The following NADK2 variants were observed in gnomAD, a reference collection of about 807,000 sequenced individuals.
NADK2 encodes NAD kinase domain-containing protein 1, mitochondrial.
NADK2 carries 35 observed loss-of-function variants against 62.1 expected under a neutral mutation model. The ratio of observed to expected loss-of-function variants is 0.56; its 90% CI spans 0.43 to 0.75. The LOEUF is 0.75. Ranked by LOEUF, NADK2 falls within the 30% of genes least tolerant of loss-of-function variation. The pLI, the probability that NADK2 is intolerant of heterozygous loss-of-function variation, is 0.00. For missense variants in NADK2, 439 were observed against 561.3 expected (o/e 0.78, Z 2.20); for synonymous variants, 205 against 207.9 (o/e 0.99, Z 0.12).
In NADK2 at chr5:36,193,539, C is replaced by CTTCT. The variant is rs1262136191; in HGVS notation, c.*1601_*1604dup. 24 of 145,362 alleles carry CTTCT rather than the reference C, an allele frequency of 1.7e-4. No homozygotes were observed. Among genetic ancestry groups the CTTCT allele is most frequent in the Admixed American group, 1.1e-3 (16 of 14,450 alleles). The allele number at this position is 145,362 out of a possible 1,614,324, so 9.0% of individuals were successfully genotyped here. A position where few individuals can be genotyped will look rare whatever the true frequency, so the allele number is the denominator to read the frequency against. On this transcript the variant is annotated 3_prime_UTR_variant, in exon 12 of 12. Transcript: ENST00000381937. ...TTAGGGGAGGTTCTATAGTATGGAG[C>CTTCT]TTCTTTATAAAGTGGTATCTTATGT... is the stretch of plus-strand genomic sequence containing the variant.
At chr5:36,234,951 T>C (rs1177975797) in intron 1 of NADK2, among the ~76,000 whole-genome samples, 1 of 152,136 alleles carries the variant, frequency 6.6e-6, no homozygotes. Flanking sequence ...TATAATGTAA[T>C]AGATGTTTCC....
intron 4 of NADK2, among the ~76,000 whole-genome samples, chr5:36,220,368 T>C (rs528681735): frequency 1.3e-5 from 2 of 152,306 alleles, no homozygotes; most frequent in East Asian, 3.9e-4. Context: ...TATTGGTTGG[T>C]GTAGATGAGA....
intron 7 of NADK2, among the ~76,000 whole-genome samples, chr5:36,210,178 T>C (rs1746787482): frequency 6.6e-6 from 1 of 152,160 alleles, no homozygotes; most frequent in African/African-American, 2.4e-5. Flanking sequence ...TCATCTCTAA[T>C]CTTCTACCCT....
chr5:36,202,200 T>G (rs941148459), intron 8 of NADK2, among the ~76,000 whole-genome samples: 1 of 152,046 alleles, frequency 6.6e-6, no homozygotes, highest in Non-Finnish European at 1.5e-5. Context: ...TTCACCATTC[T>G]AAGAGTTCTC....
intron 1 of NADK2, among the ~76,000 whole-genome samples, chr5:36,231,034 T>C (rs908199463): frequency 6.6e-6 from 1 of 152,228 alleles, no homozygotes; most frequent in Non-Finnish European, 1.5e-5. Flanking sequence ...TTACCTTATG[T>C]TCCAAATTTT....
intron 1 of NADK2, among the ~76,000 whole-genome samples, chr5:36,230,050 T>C (rs970262632): frequency 6.6e-5 from 10 of 151,418 alleles, no homozygotes; most frequent in African/African-American, 2.4e-4. Context: ...CTGACAGGGG[T>C]TCCCTACTTC....
intron 1 of NADK2, among the ~76,000 whole-genome samples, chr5:36,239,608 T>C (rs1748034556): frequency 6.6e-6 from 1 of 152,172 alleles, no homozygotes; most frequent in South Asian, 2.1e-4. Context: ...TAAGACTTAT[T>C]GATTTTCCCT....
intron 8 of NADK2, among the ~76,000 whole-genome samples, chr5:36,202,352 A>C (rs1360951009): frequency 1.3e-5 from 2 of 152,050 alleles, no homozygotes; most frequent in South Asian, 4.1e-4. Flanking sequence ...ATGGAGAAAA[A>C]GGACTGAGAA....
intron 3 of NADK2, among the ~76,000 whole-genome samples, 161 bp from the exon 4 acceptor site, chr5:36,225,784 T>C (rs912792196): frequency 6.6e-6 from 1 of 152,218 alleles, no homozygotes; most frequent in African/African-American, 2.4e-5. Context: ...TTGGATTCTC[T>C]CTCCCACTCT....
intron 7 of NADK2, among the ~76,000 whole-genome samples, chr5:36,209,842 C>T (rs1746773490): frequency 6.6e-6 from 1 of 152,094 alleles, no homozygotes; most frequent in Non-Finnish European, 1.5e-5. Context: ...TCACATATTA[C>T]ACATAGCACA....
chr5:36,199,065 G>A (rs186172925), intron 10 of NADK2, among the ~76,000 whole-genome samples: 1 of 151,800 alleles, frequency 6.6e-6, no homozygotes, highest in African/African-American at 2.4e-5. Context: ...GTAGGGGGTG[G>A]GGGGAGGAAT....
In NADK2 at chr5:36,205,333, G is replaced by C. The variant is rs1242124385; in HGVS notation, c.956+1837C>G. On this transcript the variant is annotated intron_variant, in intron 8 of 11. Coordinates refer to ENST00000381937, the MANE Select transcript of NADK2 (RefSeq NM_001085411.3). This position sits in a 1 kb window ranked among gnomAD's most constrained non-coding sequence, Gnocchi z 4.1. ...TTTGCTAAAGAGAATGACATTTCAA[G>C]ACTGGATTTTCAGACAGTGGATAGA... 2.0e-5 allele frequency among the ~76,000 whole-genome samples: 3 copies of C among 151,986 alleles called. No individual in the cohort carries two copies. Among genetic ancestry groups the C allele is most frequent in the Non-Finnish European group, 4.4e-5 (3 of 67,974 alleles).
rs1159555765 is a variant in NADK2 at position 36,227,495 on chromosome 5, T to C, written c.371A>G (p.His124Arg). Residue 124 changes from histidine to arginine, a missense_variant, in exon 2 of 12, where the codon CAT becomes CGT. By Grantham distance (29) the His-to-Arg change is conservative. Transcript: ENST00000381937. ...RHHIHTKNVE[H>R]IIDSLRNEGI... is the part of the protein sequence containing the mutation. The stretch of plus-strand genomic sequence containing the variant: ...GACTTACCGTAAACTATCTATAATA[T>C]GTTCTACATTTTTGGTGTGAATATG... 3.9e-6 allele frequency: 6 copies of C among 1,537,590 alleles called. No individual in the cohort carries two copies. The highest frequency in any genetic ancestry group is 5.3e-6 in the Non-Finnish European group (6 of 1,140,674).
In NADK2 at chr5:36,200,221, A is replaced by G. The variant is rs1579596664; in HGVS notation, c.1066+6T>C. 1 of 1,574,492 alleles carries G rather than the reference A, an allele frequency of 6.4e-7. No homozygotes were observed. Among genetic ancestry groups the G allele is most frequent in the Non-Finnish European group, 8.6e-7 (1 of 1,159,322 alleles). Reference sequence around the variant, plus strand: ...CTGTTAGTGATTATTATCATTTGTCACTGACCTTTCTCTACCAATTCTCTG... The same window carrying G: ...CTGTTAGTGATTATTATCATTTGTCGCTGACCTTTCTCTACCAATTCTCTG... On this transcript the variant is annotated splice_donor_region_variant and intron_variant, in intron 10 of 11. Transcript: ENST00000381937.
intron 1 of NADK2, among the ~76,000 whole-genome samples, chr5:36,229,551 T>C (rs1362312292): frequency 1.3e-5 from 2 of 151,778 alleles, no homozygotes; most frequent in African/African-American, 4.8e-5. Flanking sequence ...CAGCTACAGA[T>C]TGACTAAAAC....
At chr5:36,216,844 G>A (rs1200212050) in intron 6 of NADK2, among the ~76,000 whole-genome samples, 1 of 152,160 alleles carries the variant, frequency 6.6e-6, no homozygotes, top group South Asian at 2.1e-4. Context: ...TTTTTAAATT[G>A]TACTTAATAG....
At chr5:36,218,001 G>A (rs948552444) in intron 5 of NADK2, 117 bp from the exon 6 acceptor site, 93 of 877,650 alleles carry the variant, frequency 1.1e-4, no homozygotes, top group Admixed American at 2.2e-4. Flanking sequence ...GTTATTCCAT[G>A]AATAAATTAT....
intron 9 of NADK2, 104 bp downstream of exon 9, chr5:36,201,002 A>G: frequency 2.2e-6 from 2 of 890,898 alleles, no homozygotes; most frequent in Non-Finnish European, 3.7e-6. Flanking sequence ...AATGCATAGT[A>G]TAAGGGTTTG....
At chr5:36,208,837 A>C in intron 7 of NADK2, 1 of 611,020 alleles carries the variant, frequency 1.6e-6, no homozygotes, top group South Asian at 2.0e-5. Flanking sequence ...AGCATAGTGA[A>C]GCCTCAATAC....
Sources: allele counts gnomAD v4.1 joint callset (sites outside exome capture counted in the v4.1 genomes callset), GRCh38; gene constraint gnomAD v4.1.1; non-coding constraint Gnocchi (gnomAD v3.1); transcripts MANE v1.5; gene names NCBI Gene and HGNC (gene_info 2026-07-23, HGNC 2026-07-21).